The following LONP1 variants were observed in gnomAD, a reference collection of about 807,000 sequenced individuals.
The protein encoded by LONP1 is lon peptidase 1, mitochondrial, also known as lon protease homolog, mitochondrial.
LONP1 carries 31 observed loss-of-function variants against 98.5 expected under a neutral mutation model. The observed-to-expected ratio is 0.31, with a 90% CI of 0.24 to 0.42. LONP1 has a LOEUF of 0.42. LONP1 is among the 20% of genes least tolerant of loss of function. The pLI is 1.00. For missense variants in LONP1, 1,336 were observed against 1,350.6 expected (o/e 0.99, Z 0.17); for synonymous variants, 781 against 594.7 (o/e 1.31, Z -4.56).
In LONP1 at chr19:5,696,110, T is replaced by C; in HGVS notation, c.1957A>G (p.Met653Val). ...DTIPEPLRDR[M>V]EMINVSGYVA... The stretch of plus-strand genomic sequence containing the variant: ...TAGCCCGACACGTTGATCATCTCCA[T>C]ACGGTCTCGCAGCGGCTCGGGGATG... The change falls in exon 13 of 18, where the codon ATG becomes GTG. Residue 653 changes from methionine to valine, a missense_variant. By Grantham distance (21) the Met-to-Val change is conservative. This residue lies in a region of LONP1 where 555 missense variants were observed against 542.6 expected (regional missense o/e 1.02). Coordinates refer to ENST00000360614, the MANE Select transcript of LONP1 (RefSeq NM_004793.4). The C allele has an allele frequency of 6.2e-7, 1 of 1,613,124 alleles. No individual in the cohort carries two copies. Among genetic ancestry groups the C allele is most frequent in the Non-Finnish European group, 8.5e-7 (1 of 1,179,892 alleles).
At position 5,691,976 on chromosome 19, in the gene LONP1, T is replaced by TCAGGTCTGGCCCAGACAGGGCCTGACATC; in HGVS notation, c.*55_*56insGATGTCAGGCCCTGTCTGGGCCAGACCTG. On this transcript the variant is annotated 3_prime_UTR_variant, in exon 18 of 18. Coordinates refer to ENST00000360614, the MANE Select transcript of LONP1 (RefSeq NM_004793.4). ...GGTCCGGGCGCGCTCCCCACAGCGC[T>TCAGGTCTGGCCCAGACAGGGCCTGACATC]CAGTTCTGGCCCAGACAGGGCCTGA... 1 of 1,536,478 alleles carries TCAGGTCTGGCCCAGACAGGGCCTGACATC rather than the reference T, an allele frequency of 6.5e-7. No individual in the cohort carries two copies. The highest frequency in any genetic ancestry group is 8.8e-7 in the Non-Finnish European group (1 of 1,135,662).
rs564303446 is a variant in LONP1, at chr19:5,709,215, G to A, written c.871-812C>T. 5.3e-5 allele frequency among the ~76,000 whole-genome samples: 8 copies of A among 151,950 alleles called. No homozygotes were observed. In the East Asian group the frequency reaches 7.8e-4, roughly 15 times the overall value. ...TTTAATCACCTGGTCTTGGCCGGGC[G>A]CGGTGGCTCACACCTGTAACACCAA... On this transcript the variant is annotated intron_variant, in intron 4 of 17. Coordinates refer to ENST00000360614, the MANE Select transcript of LONP1 (RefSeq NM_004793.4).
chr19:5,708,921 G>A (rs2055191815), intron 4 of LONP1: 1 of 152,166 alleles, frequency 6.6e-6, no homozygotes, highest in South Asian at 2.1e-4. Flanking sequence ...GCTGAGGCAG[G>A]AGAATGGCGT....
chr19:5,691,961 C>T lies in LONP1; in HGVS notation c.*71G>A, dbSNP rs754262052. ...GTGGCTCCACTGCCAGGTCCGGGCG[C>T]GCTCCCCACAGCGCTCAGTTCTGGC... On this transcript the variant is annotated 3_prime_UTR_variant, in exon 18 of 18. Coordinates refer to ENST00000360614, the MANE Select transcript of LONP1 (RefSeq NM_004793.4). The T allele has an allele frequency of 1.3e-4, 110 of 878,062 alleles. No homozygotes were observed. The highest frequency in any genetic ancestry group is 1.6e-4 in the Non-Finnish European group (100 of 608,626). The allele number at this position is 878,062 out of a possible 1,614,324, so 54.4% of individuals were successfully genotyped here.
intron 8 of LONP1, among the ~76,000 whole-genome samples, chr19:5,701,178 G>GCT (rs1215526952): frequency 2.6e-5 from 4 of 152,230 alleles, no homozygotes; most frequent in African/African-American, 9.6e-5. Context: ...AGGCACAGTG[G>GCT]CTCACGCCTG....
At chr19:5,697,561 G>T (rs1452517718) in intron 10 of LONP1, among the ~76,000 whole-genome samples, 1 of 134,610 alleles carries the variant, frequency 7.4e-6, no homozygotes, top group Admixed American at 7.6e-5. Flanking sequence ...GAGAGGGAAG[G>T]GGGTAGAGGG....
At chr19:5,708,195 G>A in intron 5 of LONP1, 147 bp downstream of exon 5, 1 of 798,482 alleles carries the variant, frequency 1.3e-6, no homozygotes, top group Non-Finnish European at 2.0e-6. Context: ...ATGCCCCAGT[G>A]GGCAACGGGC....
intron 8 of LONP1, among the ~76,000 whole-genome samples, chr19:5,701,947 C>G (rs943853062): frequency 6.6e-6 from 1 of 151,446 alleles, no homozygotes; most frequent in Non-Finnish European, 1.5e-5. Context: ...GCCGCGACCC[C>G]GTCTGGGAGG....
In LONP1 at chr19:5,699,122, G is replaced by A. The variant is rs761191533; in HGVS notation, c.1590C>T (p.Thr530=). Reference sequence around the variant, plus strand: ...CGCGGGCGATGGAGCGAGCAATGCTGGTCTTACCCACGCCAGGGGGGCCAT... The same window carrying A: ...CGCGGGCGATGGAGCGAGCAATGCTAGTCTTACCCACGCCAGGGGGGCCAT... The part of the protein sequence containing the change: ...CFYGPPGVGK[T]SIARSIARAL... Residue 530 remains threonine (T), a synonymous_variant, in exon 10 of 18, where the codon ACC becomes ACT. Transcript: ENST00000360614. 4 of 1,585,408 alleles carry A rather than the reference G, an allele frequency of 2.5e-6. No homozygotes were observed. Among genetic ancestry groups the A allele is most frequent in the Non-Finnish European group, 3.4e-6 (4 of 1,161,120 alleles).
Position 5,711,919 on chromosome 19 carries a change from C to G in LONP1, c.722G>C (p.Arg241Pro). The stretch of plus-strand genomic sequence containing the variant: ...CTCGTCCTCCGCCTCCTTCTTGCCC[C>G]GCTTTGACTTCCTGCGGGGCTTGTG... Reference protein sequence around the residue: ...NKHKPRRKSKRGKKEAEDELS... With the variant: ...NKHKPRRKSKPGKKEAEDELS... Residue 241 changes from arginine to proline, a missense_variant, in exon 4 of 18, where the codon CGG (arginine) becomes CCG (proline). Physicochemically the swap from Arg to Pro is moderately radical, Grantham distance 103. Coordinates refer to ENST00000360614, the MANE Select transcript of LONP1 (RefSeq NM_004793.4). The G allele has an allele frequency of 6.2e-7, 1 of 1,613,446 alleles. No homozygotes were observed. The highest frequency in any genetic ancestry group is 1.1e-5 in the South Asian group (1 of 91,090).
rs769200423 is a variant in LONP1 at position 5,714,310 on chromosome 19, A to ATTTTTTTT, written c.430-47_430-40dup. The ATTTTTTTT allele has an allele frequency of 1.9e-3, 2,555 of 1,357,978 alleles. 3 individuals carry two copies. Among genetic ancestry groups the ATTTTTTTT allele is most frequent in the African/African-American group, 4.5e-3 (305 of 68,302 alleles). 84.1% of individuals were successfully genotyped at this position (1,357,978 alleles called of 1,614,324 possible). A position where few individuals can be genotyped will look rare whatever the true frequency, so the allele number is the denominator to read the frequency against. On this transcript the variant is annotated intron_variant, in intron 1 of 17. Transcript: ENST00000360614. ...GACCCCAAAGTGAAATGCAGAGTAG[A>ATTTTTTTT]TTTTTTTTTTGAGACAGAGTCTCAT...
intron 7 of LONP1, 54 bp downstream of exon 7, chr19:5,707,006 C>T (rs1390775859): frequency 3.4e-6 from 5 of 1,456,270 alleles, no homozygotes; most frequent in Non-Finnish European, 4.7e-6. Flanking sequence ...ACTGATGTCA[C>T]GTGGCCCGAG....
intron 10 of LONP1, among the ~76,000 whole-genome samples, chr19:5,697,935 A>T (rs1448035385): frequency 6.6e-6 from 1 of 151,876 alleles, no homozygotes; most frequent in Non-Finnish European, 1.5e-5. Flanking sequence ...AGGCTTCGCG[A>T]CCACTTCAAA....
At chr19:5,713,949 G>A (rs890086160) in intron 2 of LONP1, among the ~76,000 whole-genome samples, 5 of 152,280 alleles carry the variant, frequency 3.3e-5, no homozygotes, top group East Asian at 1.9e-4. Context: ...ATCACTAAGA[G>A]TCCCTGAAGT....
chr19:5,694,638 C>T (rs11673205), intron 14 of LONP1, 86 bp from the exon 15 acceptor site: 350 of 1,523,308 alleles, frequency 2.3e-4, no homozygotes, highest in South Asian at 1.3e-3. Flanking sequence ...AAAGGTGTGA[C>T]GGGCGCGGGG....
intron 7 of LONP1, among the ~76,000 whole-genome samples, chr19:5,706,204 A>G (rs2055142863): frequency 6.6e-6 from 1 of 152,088 alleles, no homozygotes; most frequent in Non-Finnish European, 1.5e-5. Context: ...AGGCACCATC[A>G]TAGCTCACCG....
chr19:5,710,368 C>T (rs957267210), intron 4 of LONP1, among the ~76,000 whole-genome samples: 10 of 151,886 alleles, frequency 6.6e-5, no homozygotes, highest in South Asian at 2.1e-4. Context: ...GGATTACAGG[C>T]GTGAGCCCAC....
chr19:5,712,125 G>C (rs2055248996), intron 3 of LONP1, 123 bp from the exon 4 acceptor site: 4 of 764,384 alleles, frequency 5.2e-6, no homozygotes, highest in Non-Finnish European at 6.2e-6. Flanking sequence ...TGGAGCCACA[G>C]GGTGGCTACA....
chr19:5,692,592 G>A (rs2054846864), intron 17 of LONP1, among the ~76,000 whole-genome samples: 2 of 152,140 alleles, frequency 1.3e-5, no homozygotes, highest in Non-Finnish European at 2.9e-5. Flanking sequence ...CCCAGGCCCT[G>A]CGTCACCCCC....
Sources: allele counts gnomAD v4.1 joint callset (sites outside exome capture counted in the v4.1 genomes callset), GRCh38; gene constraint gnomAD v4.1.1; regional missense constraint gnomAD v4.1.1; transcripts MANE v1.5; gene names NCBI Gene and HGNC (gene_info 2026-07-23, HGNC 2026-07-21).